Variants in NXPH1 observed in about 807,000 individuals in gnomAD.
NXPH1 encodes neurexophilin 1.
NXPH1 carries 5 observed loss-of-function variants against 23.7 expected under a neutral mutation model. The ratio of observed to expected loss-of-function variants is 0.21; its 90% CI spans 0.11 to 0.44. NXPH1 has a LOEUF of 0.44. Among genes scored for constraint, NXPH1 ranks in the 20% least tolerant of loss-of-function variants. The pLI, the probability that NXPH1 is intolerant of heterozygous loss-of-function variation, is 0.99. For missense variants in NXPH1, 324 were observed against 321.6 expected, an observed-to-expected ratio of 1.01 and a Z score of -0.06; for synonymous variants, 144 against 122.2, an observed-to-expected ratio of 1.18 and a Z score of -1.18.
Position 8,539,291 on chromosome 7 carries a change from G to C in NXPH1, c.54+103524G>C, listed in dbSNP as rs116136165. ...ATATAAGATTTATATTTAGAAACTT[G>C]CAGAAAAACAGCTAAAGAAGCTGCA... is the stretch of plus-strand genomic sequence containing the variant. On this transcript the variant is annotated intron_variant, in intron 2 of 2. Transcript: ENST00000405863. 3.1e-3 allele frequency among the ~76,000 whole-genome samples: 478 copies of C among 151,860 alleles called. 1 individual carries two copies. The highest frequency in any genetic ancestry group is 0.011 in the African/African-American group (446 of 41,490).
At chr7:8,714,024 C>G (rs991027374) in intron 2 of NXPH1, among the ~76,000 whole-genome samples, 1 of 152,206 alleles carries the variant, frequency 6.6e-6, no homozygotes, top group Admixed American at 6.5e-5. Flanking sequence ...TAGCAAGTGT[C>G]AAAGCCAAAC....
intron 2 of NXPH1, among the ~76,000 whole-genome samples, chr7:8,535,109 G>A (rs928383716): frequency 6.6e-6 from 1 of 152,054 alleles, no homozygotes; most frequent in African/African-American, 2.4e-5. Flanking sequence ...GTATCCAGAT[G>A]CTATAGCATC....
chr7:8,587,307 T>C (rs1028710627), intron 2 of NXPH1, among the ~76,000 whole-genome samples: 1 of 148,906 alleles, frequency 6.7e-6, no homozygotes, highest in East Asian at 2.0e-4. Context: ...TTTTTTTTTT[T>C]ATAGAGGGGA....
intron 2 of NXPH1, among the ~76,000 whole-genome samples, chr7:8,672,540 G>A (rs180808396): frequency 1.4e-3 from 217 of 150,812 alleles, no homozygotes; most frequent in African/African-American, 5.1e-3. Flanking sequence ...AAAAAAAAAA[G>A]CAAACAGCTT....
chr7:8,463,582 C>T (rs1464771551), intron 2 of NXPH1, among the ~76,000 whole-genome samples: 2 of 152,022 alleles, frequency 1.3e-5, no homozygotes, highest in Non-Finnish European at 2.9e-5. Context: ...TATATGAGAG[C>T]TGTTTTTCAT....
At chr7:8,516,991 A>G (rs910080224) in intron 2 of NXPH1, among the ~76,000 whole-genome samples, 4 of 152,172 alleles carry the variant, frequency 2.6e-5, no homozygotes, top group African/African-American at 9.7e-5. Context: ...AACATCTAAG[A>G]AAGCATGTAT....
intron 2 of NXPH1, among the ~76,000 whole-genome samples, chr7:8,625,347 A>C (rs1819964698): frequency 6.6e-6 from 1 of 152,136 alleles, no homozygotes; most frequent in Non-Finnish European, 1.5e-5. Flanking sequence ...TTCTGGTAGG[A>C]AGTTAGGGGG....
At chr7:8,743,430 G>C (rs533382427) in intron 2 of NXPH1, among the ~76,000 whole-genome samples, 1 of 145,708 alleles carries the variant, frequency 6.9e-6, no homozygotes, top group East Asian at 2.1e-4. Flanking sequence ...ACTTCTAGTT[G>C]AAGATTTTAT....
chr7:8,603,461 C>G (rs575024904), intron 2 of NXPH1, among the ~76,000 whole-genome samples: 135 of 152,020 alleles, frequency 8.9e-4, no homozygotes, highest in Non-Finnish European at 1.7e-3. Context: ...AAGATTGAAT[C>G]AATAATTTTG....
chr7:8,710,402 G>C (rs956922689), intron 2 of NXPH1, among the ~76,000 whole-genome samples: 1 of 152,154 alleles, frequency 6.6e-6, no homozygotes, highest in Non-Finnish European at 1.5e-5. Context: ...CCATGAGGGA[G>C]GAGGGATAGT....
chr7:8,661,269 G>A (rs374534488), intron 2 of NXPH1, among the ~76,000 whole-genome samples: 1 of 152,150 alleles, frequency 6.6e-6, no homozygotes, highest in African/African-American at 2.4e-5. Flanking sequence ...TTTGAACTGA[G>A]GATGGGTTAT....
chr7:8,690,841 C>T (rs1821210822), intron 2 of NXPH1, among the ~76,000 whole-genome samples: 1 of 152,336 alleles, frequency 6.6e-6, no homozygotes, highest in East Asian at 1.9e-4. Context: ...TGCTGCTTCC[C>T]TTTCCTGGCC....
At chr7:8,529,083 GTCA>G (rs544822597) in intron 2 of NXPH1, among the ~76,000 whole-genome samples, 9 of 152,314 alleles carry the variant, frequency 5.9e-5, no homozygotes, top group African/African-American at 1.9e-4. Flanking sequence ...TATGACACCT[GTCA>G]TCATCAAGTT....
chr7:8,534,774 C>T (rs968529869), intron 2 of NXPH1, among the ~76,000 whole-genome samples: 2 of 151,994 alleles, frequency 1.3e-5, no homozygotes, highest in African/African-American at 4.8e-5. Context: ...CATTATCACC[C>T]CTGATTGATG....
intron 2 of NXPH1, among the ~76,000 whole-genome samples, chr7:8,747,941 T>C (rs1256880894): frequency 1.3e-5 from 2 of 152,344 alleles, no homozygotes; most frequent in Non-Finnish European, 1.5e-5. Context: ...ATTAGTTTTA[T>C]AACTATAATG....
chr7:8,515,455 G>C (rs921726407), intron 2 of NXPH1, among the ~76,000 whole-genome samples: 1 of 151,974 alleles, frequency 6.6e-6, no homozygotes, highest in African/African-American at 2.4e-5. Context: ...TTGAACAGTT[G>C]GTTAAAGGGA....
intron 2 of NXPH1, among the ~76,000 whole-genome samples, chr7:8,441,582 A>G (rs1816299923): frequency 6.6e-6 from 1 of 152,226 alleles, no homozygotes; most frequent in Non-Finnish European, 1.5e-5. Flanking sequence ...AGTGCTCCCC[A>G]GATGAATATT....
chr7:8,690,388 A>G (rs1469682102), intron 2 of NXPH1: 4 of 152,214 alleles, frequency 2.6e-5, no homozygotes, highest in Admixed American at 2.0e-4. Context: ...TTCTATTTCT[A>G]TCTTAAACCC....
At chr7:8,620,470 G>T (rs982859983) in intron 2 of NXPH1, among the ~76,000 whole-genome samples, 17 of 152,142 alleles carry the variant, frequency 1.1e-4, no homozygotes, top group African/African-American at 4.1e-4. Context: ...AATTCACCCA[G>T]AGCCAACCAG....
Sources: gnomAD v4.1 joint callset for allele counts (sites outside exome capture counted in the v4.1 genomes callset) on GRCh38, gnomAD v4.1.1 for gene constraint, MANE v1.5 for transcripts, NCBI Gene and HGNC (gene_info 2026-07-23, HGNC 2026-07-21) for gene names.